The following WDR24 variants were observed in gnomAD, a reference collection of about 807,000 sequenced individuals.
WDR24 encodes the protein GATOR2 complex protein WDR24.
In WDR24, 32 loss-of-function variants were observed where a neutral mutation model predicts 66.7. That is an observed-to-expected ratio of 0.48 (90% CI 0.36 to 0.64). The LOEUF (loss-of-function observed/expected upper bound fraction) is 0.64, where lower values mean the gene tolerates loss of function less well. Ranked by LOEUF, WDR24 falls within the 30% of genes least tolerant of loss-of-function variation. WDR24 has a pLI of 0.00. For missense variants in WDR24, 978 were observed against 1,144.1 expected, an observed-to-expected ratio of 0.85 and a Z score of 2.09; for synonymous variants, 565 against 469.1, an observed-to-expected ratio of 1.20 and a Z score of -2.64.
rs779118487 is a variant in WDR24 at position 687,425 on chromosome 16, A to G, written c.660-9T>C. On this transcript the variant is annotated splice_polypyrimidine_tract_variant and intron_variant, in intron 2 of 8. Transcript: ENST00000293883. ...CAGTGGCCAACCAGCCCCTGTGGGA[A>G]GAAGGTCCACCCAAACCCTCAGTGG... The G allele has an allele frequency of 5.7e-6, 9 of 1,580,352 alleles. No homozygotes were observed. Among genetic ancestry groups the G allele is most frequent in the Non-Finnish European group, 7.7e-6 (9 of 1,163,450 alleles).
Position 685,529 on chromosome 16 carries a change from G to A in WDR24, c.1747C>T (p.Pro583Ser). 3 of 1,588,830 alleles carry A rather than the reference G, an allele frequency of 1.9e-6. No individual in the cohort carries two copies. Among genetic ancestry groups the A allele is most frequent in the Admixed American group, 1.7e-5 (1 of 59,224 alleles). ...PLRHEIVDTP[P>S]GPEHLQDKAD... ...TTGTCCTGCAGGTGCTCGGGCCCGG[G>A]AGGCGTGTCCACGATCTCGTGGCGC... The change falls in exon 7 of 9, where the codon CCC (proline) becomes TCC (serine). Residue 583 changes from proline (P) to serine (S), a missense_variant. Transcript: ENST00000293883.
In WDR24 at chr16:689,221, G is replaced by C. The variant is rs779385555; in HGVS notation, c.420C>G (p.Ser140=). 1 of 1,613,970 alleles carries C rather than the reference G, an allele frequency of 6.2e-7. No individual in the cohort carries two copies. Among genetic ancestry groups the C allele is most frequent in the Non-Finnish European group, 8.5e-7 (1 of 1,180,030 alleles). The change falls in exon 1 of 9, where the codon TCC becomes TCG. Residue 140 remains serine, a synonymous_variant. Coordinates refer to ENST00000293883, the MANE Select transcript of WDR24 (RefSeq NM_032259.4). ...PTEAHVLLSG[S]QDGFMKCFDL... ...CAAAGCACTTCATGAAGCCATCCTG[G>C]GAGCCACTGAGCAGCACGTGGGCTT...
In WDR24 at chr16:686,979, C is replaced by T. The variant is rs1241192556; in HGVS notation, c.1097G>A (p.Arg366His). 9 of 1,598,048 alleles carry T rather than the reference C, an allele frequency of 5.6e-6. No individual in the cohort carries two copies. Among genetic ancestry groups the T allele is most frequent in the East Asian group, 2.3e-5 (1 of 44,436 alleles). ...GCGCCGGTCGCCAGTGTAGGGCTTG[C>T]GCCCCGACTCGGCAGCCACGAGGCT... ...KESLVAAESG[R>H]KPYTGDRRHP... is the part of the protein sequence containing the mutation. Residue 366 changes from arginine (R) to histidine (H), a missense_variant, in exon 3 of 9, where the codon CGC (arginine) becomes CAC (histidine). Physicochemically the swap from Arg to His is conservative, Grantham distance 29. Around this residue, in one of 2 missense-constraint regions of WDR24, gnomAD observed 676 missense variants for 617.5 expected, o/e 1.09. Transcript: ENST00000293883.
Position 685,387 on chromosome 16 carries a change from G to T in WDR24, c.1889C>A (p.Pro630His), listed in dbSNP as rs1311170223. 2 of 1,612,448 alleles carry T rather than the reference G, an allele frequency of 1.2e-6. No individual in the cohort carries two copies. Among genetic ancestry groups the T allele is most frequent in the Non-Finnish European group, 1.7e-6 (2 of 1,179,844 alleles). ...GCGCACCAGCACGCCGAAGAAGTCGGGCGGCAGGCGGCTGTCGTAGAGCGC... is the reference window on the plus strand; with the variant it reads ...GCGCACCAGCACGCCGAAGAAGTCGTGCGGCAGGCGGCTGTCGTAGAGCGC... The part of the protein sequence containing the change: ...SHALYDSRLP[P>H]DFFGVLVRDM... Residue 630 changes from proline (P) to histidine (H), a missense_variant, in exon 7 of 9, where the codon CCC (proline) becomes CAC (histidine). Pro to His is a moderately conservative substitution (Grantham distance 77, BLOSUM62 -2). Around this residue, in one of 2 missense-constraint regions of WDR24, gnomAD observed 676 missense variants for 617.5 expected, o/e 1.09. Coordinates refer to ENST00000293883, the MANE Select transcript of WDR24 (RefSeq NM_032259.4).
chr16:686,210 G>A, intron 3 of WDR24, 24 bp from the exon 4 acceptor site: 1 of 1,609,854 alleles, frequency 6.2e-7, no homozygotes, highest in Non-Finnish European at 8.5e-7. Flanking sequence ...CTGGTCACTT[G>A]TGGGCGTCCT....
chr16:689,857 C>A lies in WDR24; in HGVS notation c.-217G>T. 1.3e-6 allele frequency: 1 copy of A among 788,032 alleles called. No homozygotes were observed. The highest frequency in any genetic ancestry group is 2.1e-6 in the Non-Finnish European group (1 of 465,458). 48.8% of individuals were successfully genotyped at this position (788,032 alleles called of 1,614,324 possible). On this transcript the variant is annotated 5_prime_UTR_variant, in exon 1 of 9. Coordinates refer to ENST00000293883, the MANE Select transcript of WDR24 (RefSeq NM_032259.4). ...ATTCACTGGAGTCTGTCAGTCCAGC[C>A]CATCACCCTGGCTGAGCGGTGAGGG...
At position 687,220 on chromosome 16, in the gene WDR24, G is replaced by T. The variant is rs749435266; in HGVS notation, c.856C>A (p.Pro286Thr). The T allele has an allele frequency of 6.2e-7, 1 of 1,612,520 alleles. No individual in the cohort carries two copies. The highest frequency in any genetic ancestry group is 8.5e-7 in the Non-Finnish European group (1 of 1,179,990). ...TCAAACATGGCAGCTGGCACGAAGG[G>T]CCGGCGCACGTCCCAAACATAGATG... ...HNIYVWDVRR[P>T]FVPAAMFEEH... Residue 286 changes from proline to threonine, a missense_variant, in exon 3 of 9, where the codon CCC becomes ACC. Physicochemically the swap from Pro to Thr is conservative, Grantham distance 38 (BLOSUM62 -1). This residue lies in a region of WDR24 where 302 missense variants were observed against 526.6 expected (regional missense o/e 0.57). Transcript: ENST00000293883.
rs751288608 is a variant in WDR24, at chr16:685,719, C to G, written c.1638G>C (p.Glu546Asp). Residue 546 changes from glutamate to aspartate, a missense_variant, in exon 6 of 9, where the codon GAG (glutamate) becomes GAC (aspartate). Physicochemically the swap from Glu to Asp is conservative, Grantham distance 45. Coordinates refer to ENST00000293883, the MANE Select transcript of WDR24 (RefSeq NM_032259.4). ...ADYLLGDVEG[E>D]EDELYLLDPE... Reference sequence around the variant, plus strand: ...GATCCAGCAGGTACAGCTCGTCCTCCTCACCTTCCACGTCACCCAGCAGGT... The same window carrying G: ...GATCCAGCAGGTACAGCTCGTCCTCGTCACCTTCCACGTCACCCAGCAGGT... 6.2e-7 allele frequency: 1 copy of G among 1,613,300 alleles called. No individual in the cohort carries two copies. The highest frequency in any genetic ancestry group is 8.5e-7 in the Non-Finnish European group (1 of 1,180,018).
Position 689,808 on chromosome 16 carries a change from A to C in WDR24, c.-168T>G, listed in dbSNP as rs1395389806. On this transcript the variant is annotated 5_prime_UTR_variant, in exon 1 of 9. It adds an upstream start codon to the 5' untranslated region. Coordinates refer to ENST00000293883, the MANE Select transcript of WDR24 (RefSeq NM_032259.4). ...GCCAATCCAGGGCTGTCTATCAGCCAATCAGCCTGACAGGCAAGCTCAAAT... is the reference window on the plus strand; with the variant it reads ...GCCAATCCAGGGCTGTCTATCAGCCCATCAGCCTGACAGGCAAGCTCAAAT... 1 of 1,090,188 alleles carries C rather than the reference A, an allele frequency of 9.2e-7. No individual in the cohort carries two copies. The highest frequency in any genetic ancestry group is 1.5e-5 in the African/African-American group (1 of 64,554). The allele number at this position is 1,090,188 out of a possible 1,614,324, so 67.5% of individuals were successfully genotyped here.
chr16:685,230 AG>A (rs749723922), intron 7 of WDR24, 26 bp downstream of exon 7: 13 of 1,595,744 alleles, frequency 8.1e-6, no homozygotes, highest in Non-Finnish European at 5.1e-6. Flanking sequence ...GCGGCGCTGC[AG>A]GGGGGAGGCC....
At position 685,094 on chromosome 16, in the gene WDR24, G is replaced by C; in HGVS notation, c.2102C>G (p.Thr701Ser). 1 of 1,556,510 alleles carries C rather than the reference G, an allele frequency of 6.4e-7. No individual in the cohort carries two copies. Among genetic ancestry groups the C allele is most frequent in the Non-Finnish European group, 8.7e-7 (1 of 1,150,942 alleles). ...GTTGAGGCAGCTGACGGCGCGGCTG[G>C]TGCTCAGCTTGACCACCTCGTTGGA... ...NVSNEVVKLS[T>S]SRAVSCLNQA... The change falls in exon 8 of 9, where the codon ACC becomes AGC. Residue 701 changes from threonine (T) to serine (S), a missense_variant. By Grantham distance (58) the Thr-to-Ser change is moderately conservative. This residue lies in a region of WDR24 where 676 missense variants were observed against 617.5 expected (regional missense o/e 1.09). Transcript: ENST00000293883.
intron 3 of WDR24, 113 bp downstream of exon 3, chr16:686,631 G>A (rs571361310): frequency 1.0e-4 from 133 of 1,326,154 alleles, no homozygotes; most frequent in Non-Finnish European, 1.3e-4. Context: ...CTGTTGGTGC[G>A]ACTGGCTGGA....
At position 685,755 on chromosome 16, in the gene WDR24, T is replaced by C; in HGVS notation, c.1602A>G (p.Val534=). The C allele has an allele frequency of 1.2e-6, 2 of 1,613,272 alleles. No individual in the cohort carries two copies. Among genetic ancestry groups the C allele is most frequent in the Middle Eastern group, 1.6e-4 (1 of 6,062 alleles). Residue 534 remains valine, a synonymous_variant, in exon 6 of 9, where the codon GTA becomes GTG. Transcript: ENST00000293883. ...EDNEETEGSD[V]PADYLLGDVE... ...CGTCACCCAGCAGGTAGTCGGCAGG[T>C]ACGTCGCTGCCCTCGGTTTCCTCGT...
rs1038809452 is a variant in WDR24 at position 686,050 on chromosome 16, G to A, written c.1451+18C>T. 27 of 1,612,790 alleles carry A rather than the reference G, an allele frequency of 1.7e-5. No homozygotes were observed. The highest frequency in any genetic ancestry group is 2.1e-5 in the Non-Finnish European group (25 of 1,179,922). ...CGAGCAGCCCCAGCCCCTGGGGAGAGCTGCCCCCGGCATCTACCTGTTCAT... is the reference window on the plus strand; with the variant it reads ...CGAGCAGCCCCAGCCCCTGGGGAGAACTGCCCCCGGCATCTACCTGTTCAT... On this transcript the variant is annotated intron_variant, in intron 4 of 8. Coordinates refer to ENST00000293883, the MANE Select transcript of WDR24 (RefSeq NM_032259.4).
chr16:688,641 C>T (rs1293096929), intron 1 of WDR24, among the ~76,000 whole-genome samples: 1 of 152,216 alleles, frequency 6.6e-6, no homozygotes, highest in Non-Finnish European at 1.5e-5. Flanking sequence ...CTGAGGGCTC[C>T]GCCTTGTGCT....
At position 686,936 on chromosome 16, in the gene WDR24, C is replaced by T. The variant is rs1171857542; in HGVS notation, c.1140G>A (p.Lys380=). The T allele has an allele frequency of 1.9e-6, 3 of 1,604,132 alleles. No homozygotes were observed. The highest frequency in any genetic ancestry group is 2.5e-6 in the Non-Finnish European group (3 of 1,178,116). Residue 380 remains lysine (K), a synonymous_variant, in exon 3 of 9, where the codon AAG becomes AAA. Coordinates refer to ENST00000293883, the MANE Select transcript of WDR24 (RefSeq NM_032259.4). ...AGGGCTCGGCAGGGTCCAGCTTGCG[C>T]TTAAAGAAGATGGGGTGGCGCCGGT... ...TGDRRHPIFF[K]RKLDPAEPFA...
intron 3 of WDR24, 39 bp downstream of exon 3, chr16:686,705 G>T: frequency 6.4e-7 from 1 of 1,551,502 alleles, no homozygotes; most frequent in Non-Finnish European, 8.7e-7. Context: ...CTGCCCTGAG[G>T]TCGTGGCCCA....
At chr16:688,922 C>T in intron 1 of WDR24, 1 of 616,312 alleles carries the variant, frequency 1.6e-6, no homozygotes, top group South Asian at 2.0e-5. Flanking sequence ...TCACCCCACA[C>T]CTAGCCTCAA....
At position 685,494 on chromosome 16, in the gene WDR24, G is replaced by A. The variant is rs1007131938; in HGVS notation, c.1782C>T (p.Ser594=). Reference sequence around the variant, plus strand: ...CCGCCTCGCTGCCGCTCACGTGCGGGGAGTCGGCCTTGTCCTGCAGGTGCT... The same window carrying A: ...CCGCCTCGCTGCCGCTCACGTGCGGAGAGTCGGCCTTGTCCTGCAGGTGCT... ...GPEHLQDKAD[S]PHVSGSEADV... Residue 594 remains serine (S), a synonymous_variant, in exon 7 of 9, where the codon TCC becomes TCT. Coordinates refer to ENST00000293883, the MANE Select transcript of WDR24 (RefSeq NM_032259.4). The A allele has an allele frequency of 3.1e-6, 5 of 1,598,956 alleles. No individual in the cohort carries two copies. The highest frequency in any genetic ancestry group is 3.4e-6 in the Non-Finnish European group (4 of 1,169,944).
Sources: gnomAD v4.1 joint callset for allele counts (sites outside exome capture counted in the v4.1 genomes callset) on GRCh38, gnomAD v4.1.1 for gene constraint, gnomAD v4.1.1 regional missense constraint, MANE v1.5 for transcripts, NCBI Gene and HGNC (gene_info 2026-07-23, HGNC 2026-07-21) for gene names.